The following SEMA5A variants were observed in gnomAD, a reference collection of about 807,000 sequenced individuals.
SEMA5A encodes the protein semaphorin-5A.
SEMA5A carries 55 observed loss-of-function variants against 135.5 expected under a neutral mutation model. The observed-to-expected ratio is 0.41, with a 90% confidence interval of 0.33 to 0.51. SEMA5A has a LOEUF of 0.51. Among genes scored for constraint, SEMA5A ranks in the 20% least tolerant of loss-of-function variants. The pLI is 0.37. For missense variants in SEMA5A, 1,290 were observed against 1,419.9 expected (o/e 0.91, Z 1.47); for synonymous variants, 580 against 546.5 (o/e 1.06, Z -0.85).
chr5:9,543,171 G>A lies in SEMA5A; in HGVS notation c.-175+2413C>T, dbSNP rs140784003. On this transcript the variant is annotated intron_variant, in intron 1 of 22. Transcript: ENST00000382496. ...CCACTAGCACACGGTACAGAGAAAG[G>A]CTTGTTGGTTGTAACATTTGTCCTT... is the stretch of plus-strand genomic sequence containing the variant. Among the ~76,000 whole-genome samples the A allele has an allele frequency of 2.6e-3, 393 of 152,294 alleles. 2 individuals carry two copies. Among genetic ancestry groups the A allele is most frequent in the African/African-American group, 8.9e-3 (368 of 41,572 alleles).
chr5:9,165,303 C>T lies in SEMA5A; in HGVS notation c.1274-10608G>A, dbSNP rs112398015. On this transcript the variant is annotated intron_variant, in intron 11 of 22. Coordinates refer to ENST00000382496, the MANE Select transcript of SEMA5A (RefSeq NM_003966.3). ...TTTGTATGAAAAGAAAAAAGTCCTA[C>T]CCACAAAGAAAAGGAAACGAATTGA... Among the ~76,000 whole-genome samples, 733 of 152,036 alleles carry T rather than the reference C, an allele frequency of 4.8e-3. 6 individuals carry two copies. The highest frequency in any genetic ancestry group is 0.017 in the African/African-American group (704 of 41,448).
chr5:9,126,342 A>G (rs1741109741), intron 13 of SEMA5A, among the ~76,000 whole-genome samples: 1 of 152,116 alleles, frequency 6.6e-6, no homozygotes, highest in African/African-American at 2.4e-5. Context: ...GCCCAAGGTC[A>G]CAAGACAGCA....
intron 1 of SEMA5A, among the ~76,000 whole-genome samples, chr5:9,457,662 T>A (rs1383310153): frequency 6.6e-6 from 1 of 152,206 alleles, no homozygotes; most frequent in Non-Finnish European, 1.5e-5. Context: ...ATTTGAGGAC[T>A]AACAAGTCTA....
At chr5:9,342,777 G>C (rs1256982085) in intron 3 of SEMA5A, among the ~76,000 whole-genome samples, 1 of 152,134 alleles carries the variant, frequency 6.6e-6, no homozygotes, top group Non-Finnish European at 1.5e-5. Context: ...ATTAATTCCT[G>C]TATTTCTCAC....
intron 18 of SEMA5A, among the ~76,000 whole-genome samples, chr5:9,059,264 C>A (rs1737056350): frequency 6.6e-6 from 1 of 151,538 alleles, no homozygotes; most frequent in Non-Finnish European, 1.5e-5. Context: ...AACAAAAAAA[C>A]ATCTGTTGTC....
intron 4 of SEMA5A, among the ~76,000 whole-genome samples, chr5:9,328,834 G>C (rs761015459): frequency 1.3e-5 from 2 of 150,662 alleles, no homozygotes; most frequent in Non-Finnish European, 3.0e-5. Flanking sequence ...CAGAGGACTT[G>C]AGGACAGGCC....
intron 16 of SEMA5A, among the ~76,000 whole-genome samples, chr5:9,078,711 C>A (rs1738206283): frequency 6.6e-6 from 1 of 151,986 alleles, no homozygotes; most frequent in Admixed American, 6.5e-5. Flanking sequence ...CATAAACATA[C>A]TTGTATAGGA....
At chr5:9,415,163 C>T (rs763330581) in intron 2 of SEMA5A, among the ~76,000 whole-genome samples, 2 of 152,186 alleles carry the variant, frequency 1.3e-5, no homozygotes, top group Admixed American at 6.5e-5. Context: ...TTACCAAGTG[C>T]TTCTTATGAA....
intron 5 of SEMA5A, among the ~76,000 whole-genome samples, chr5:9,266,078 C>T (rs1266522889): frequency 6.6e-6 from 1 of 152,232 alleles, no homozygotes; most frequent in African/African-American, 2.4e-5. Flanking sequence ...GGCATCCGTC[C>T]TCAATGCCGC....
At chr5:9,277,281 GT>G in intron 5 of SEMA5A, among the ~76,000 whole-genome samples, 1 of 152,354 alleles carries the variant, frequency 6.6e-6, no homozygotes, top group South Asian at 2.1e-4. Context: ...TGTCATGCCA[GT>G]TAGAATGGTG....
At chr5:9,340,262 T>C (rs914102343) in intron 3 of SEMA5A, among the ~76,000 whole-genome samples, 1 of 152,108 alleles carries the variant, frequency 6.6e-6, no homozygotes, top group African/African-American at 2.4e-5. Context: ...AGAGTGAATA[T>C]CAGGGGCTCT....
intron 4 of SEMA5A, among the ~76,000 whole-genome samples, chr5:9,320,627 A>T (rs1308935798): frequency 3.3e-5 from 5 of 152,206 alleles, no homozygotes. Flanking sequence ...CTGAAGTGGG[A>T]GGATCCATTG....
intron 16 of SEMA5A, among the ~76,000 whole-genome samples, chr5:9,098,606 A>G (rs1244054755): frequency 2.6e-5 from 4 of 152,230 alleles, no homozygotes; most frequent in Non-Finnish European, 5.9e-5. Context: ...CAGTTAAAAA[A>G]TCTGACATTT....
chr5:9,254,631 T>G (rs1748969070), intron 5 of SEMA5A, among the ~76,000 whole-genome samples: 1 of 152,138 alleles, frequency 6.6e-6, no homozygotes, highest in South Asian at 2.1e-4. Context: ...TAGGATTTTT[T>G]TTTTAAATTT....
chr5:9,464,504 T>C (rs1050291552), intron 1 of SEMA5A, among the ~76,000 whole-genome samples: 3 of 152,362 alleles, frequency 2.0e-5, no homozygotes, highest in East Asian at 1.9e-4. Context: ...TTTTCAATCA[T>C]GTTTTAAATA....
At chr5:9,265,960 A>C (rs918487307) in intron 5 of SEMA5A, among the ~76,000 whole-genome samples, 3 of 152,214 alleles carry the variant, frequency 2.0e-5, no homozygotes, top group African/African-American at 7.2e-5. Context: ...ACATTTCAAC[A>C]TTCCTTGCCC....
At chr5:9,281,434 C>T (rs1156875896) in intron 5 of SEMA5A, among the ~76,000 whole-genome samples, 2 of 152,166 alleles carry the variant, frequency 1.3e-5, no homozygotes, top group Admixed American at 6.5e-5. Flanking sequence ...TTGCTACTGG[C>T]GTCTAGTGGA....
chr5:9,093,475 G>A (rs1739147920), intron 16 of SEMA5A, among the ~76,000 whole-genome samples: 1 of 152,134 alleles, frequency 6.6e-6, no homozygotes, highest in South Asian at 2.1e-4. Flanking sequence ...TTGGGAGGCT[G>A]AGGCAGGTGG....
At chr5:9,500,550 G>T (rs1735540628) in intron 1 of SEMA5A, among the ~76,000 whole-genome samples, 1 of 152,132 alleles carries the variant, frequency 6.6e-6, no homozygotes, top group Non-Finnish European at 1.5e-5. Context: ...GGAACCCACT[G>T]AGCTGATCCA....
Sources: gnomAD v4.1 joint callset for allele counts (sites outside exome capture counted in the v4.1 genomes callset) on GRCh38, gnomAD v4.1.1 for gene constraint, MANE v1.5 for transcripts, NCBI Gene and HGNC (gene_info 2026-07-23, HGNC 2026-07-21) for gene names.